Variants in SERGEF observed in about 807,000 individuals in gnomAD.
SERGEF encodes the protein secretion regulating guanine nucleotide exchange factor.
In SERGEF, 51 loss-of-function variants were observed where a neutral mutation model predicts 50.0. That is an observed-to-expected ratio of 1.02 (90% CI 0.81 to 1.29). SERGEF has a LOEUF of 1.29. SERGEF is among the 50% of genes most tolerant of loss of function. The pLI is 0.00. For synonymous variants in SERGEF, 205 were observed against 212.4 expected, an observed-to-expected ratio of 0.97 and a Z score of 0.30; for missense variants, 521 against 557.0, an observed-to-expected ratio of 0.94 and a Z score of 0.65.
chr11:17,987,258 C>T (rs776980921), intron 8 of SERGEF, among the ~76,000 whole-genome samples: 2 of 152,076 alleles, frequency 1.3e-5, no homozygotes, highest in African/African-American at 2.4e-5. Context: ...TATGTGTAGT[C>T]TCTTTTAACT....
intron 10 of SERGEF, among the ~76,000 whole-genome samples, chr11:17,835,840 T>G (rs968417176): frequency 1.3e-5 from 2 of 152,226 alleles, no homozygotes; most frequent in African/African-American, 4.8e-5. Flanking sequence ...ATCTGAAATG[T>G]TGTAAAGTAG....
intron 5 of SERGEF, among the ~76,000 whole-genome samples, chr11:17,996,137 C>T (rs1251246375): frequency 2.0e-5 from 3 of 152,158 alleles, no homozygotes; most frequent in African/African-American, 7.2e-5. Context: ...AAGCAAATTC[C>T]AATATCACAT....
intron 8 of SERGEF, among the ~76,000 whole-genome samples, chr11:17,988,208 C>A (rs1853639287): frequency 6.6e-6 from 1 of 152,176 alleles, no homozygotes; most frequent in Non-Finnish European, 1.5e-5. Flanking sequence ...CTACCTCAAT[C>A]TTTAGATATT....
At position 17,788,426 on chromosome 11, in the gene SERGEF, G is replaced by A. The variant is rs755177078; in HGVS notation, c.1049-13C>T. ...TAACACACTCCACCTGTGAAGGAGAGGGAAGACTGCTGTAGAAGAGGTTTT... is the reference window on the plus strand; with the variant it reads ...TAACACACTCCACCTGTGAAGGAGAAGGAAGACTGCTGTAGAAGAGGTTTT... On this transcript the variant is annotated splice_polypyrimidine_tract_variant and intron_variant, in intron 10 of 10. Transcript: ENST00000265965. The A allele has an allele frequency of 6.3e-7, 1 of 1,589,474 alleles. No individual in the cohort carries two copies. Among genetic ancestry groups the A allele is most frequent in the South Asian group, 1.1e-5 (1 of 88,420 alleles).
At chr11:17,944,982 T>A (rs1462877561) in intron 9 of SERGEF, among the ~76,000 whole-genome samples, 1 of 152,220 alleles carries the variant, frequency 6.6e-6, no homozygotes, top group African/African-American at 2.4e-5. Flanking sequence ...GCTTGCCATA[T>A]CAGTGATAAG....
At chr11:17,893,968 A>C (rs1851579069) in intron 9 of SERGEF, among the ~76,000 whole-genome samples, 1 of 152,194 alleles carries the variant, frequency 6.6e-6, no homozygotes, top group African/African-American at 2.4e-5. Flanking sequence ...ATTGTGCAGC[A>C]GCTTCCTTGT....
intron 10 of SERGEF, among the ~76,000 whole-genome samples, chr11:17,810,955 C>T (rs1849859462): frequency 6.6e-6 from 1 of 152,174 alleles, no homozygotes; most frequent in Non-Finnish European, 1.5e-5. Flanking sequence ...ATTTCTGCAT[C>T]CAGTATCAGT....
chr11:17,864,261 T>C (rs914563544), intron 10 of SERGEF, among the ~76,000 whole-genome samples: 3 of 152,226 alleles, frequency 2.0e-5, no homozygotes, highest in Admixed American at 6.5e-5. Context: ...TGGTCAACCT[T>C]GTGCCTAAAA....
At chr11:17,890,026 C>CAAA (rs59805347) in intron 9 of SERGEF, among the ~76,000 whole-genome samples, 67 of 73,898 alleles carry the variant, frequency 9.1e-4, no homozygotes, top group African/African-American at 1.2e-3. Flanking sequence ...ACACTTCAAC[C>CAAA]AAAAAAAAAA....
At chr11:17,917,815 T>C (rs1411609626) in intron 9 of SERGEF, among the ~76,000 whole-genome samples, 1 of 152,200 alleles carries the variant, frequency 6.6e-6, no homozygotes, top group East Asian at 1.9e-4. Context: ...ACTGACTAAA[T>C]CAGATTCTGC....
chr11:17,901,328 C>A (rs1851745981), intron 9 of SERGEF, among the ~76,000 whole-genome samples: 2 of 152,188 alleles, frequency 1.3e-5, no homozygotes, highest in Admixed American at 1.3e-4. Context: ...CATTGGATGC[C>A]CAAAGTAACC....
intron 9 of SERGEF, among the ~76,000 whole-genome samples, chr11:17,950,014 T>C (rs529396831): frequency 1.3e-5 from 2 of 152,324 alleles, no homozygotes; most frequent in East Asian, 1.9e-4. Flanking sequence ...TGGTTAGGCA[T>C]AGATAAACTG....
chr11:17,799,915 G>A (rs533947459), intron 10 of SERGEF, among the ~76,000 whole-genome samples: 98 of 152,304 alleles, frequency 6.4e-4, no homozygotes, highest in Non-Finnish European at 9.9e-4. Flanking sequence ...AGAGCTGAGC[G>A]TCCATCCCAC....
chr11:17,821,542 C>T (rs1245763494), intron 10 of SERGEF, among the ~76,000 whole-genome samples: 1 of 152,140 alleles, frequency 6.6e-6, no homozygotes, highest in Non-Finnish European at 1.5e-5. Context: ...ATTGCAGTTC[C>T]TCAAACATAA....
intron 9 of SERGEF, among the ~76,000 whole-genome samples, chr11:17,915,414 TG>T (rs1489191512): frequency 6.6e-6 from 1 of 152,250 alleles, no homozygotes; most frequent in Non-Finnish European, 1.5e-5. Context: ...TCTTCAGAGA[TG>T]ATCACCTAAC....
intron 10 of SERGEF, among the ~76,000 whole-genome samples, chr11:17,800,220 A>G (rs1281228236): frequency 6.6e-6 from 1 of 152,210 alleles, no homozygotes; most frequent in African/African-American, 2.4e-5. Context: ...AGCAGAAAGT[A>G]TGGACAGTTC....
In SERGEF at chr11:17,884,584, C is replaced by A. The variant is rs138467838; in HGVS notation, c.1012-6340G>T. 3.6e-4 allele frequency among the ~76,000 whole-genome samples: 55 copies of A among 152,220 alleles called. No homozygotes were observed. Among genetic ancestry groups the A allele is most frequent in the African/African-American group, 1.3e-3 (54 of 41,524 alleles). On this transcript the variant is annotated intron_variant, in intron 9 of 10. Transcript: ENST00000265965. The surrounding 1 kb of genome is among the most constrained non-coding windows in gnomAD (Gnocchi z 4.6). ...GCCACCAGAGTTCCACCTCTAAGCT[C>A]AGAAATGGTCCCAACTGGGGAAGGC...
intron 10 of SERGEF, among the ~76,000 whole-genome samples, chr11:17,810,438 T>A (rs940625808): frequency 3.9e-5 from 6 of 152,154 alleles, no homozygotes; most frequent in African/African-American, 1.2e-4. Flanking sequence ...TCTACAACAA[T>A]CATGCCTACA....
chr11:17,995,721 A>T, intron 6 of SERGEF, 75 bp downstream of exon 6: 1 of 1,022,756 alleles, frequency 9.8e-7, no homozygotes, highest in Non-Finnish European at 1.5e-6. Flanking sequence ...AAATCCATTT[A>T]ATCCTCTTCT....
Sources: allele counts gnomAD v4.1 joint callset (sites outside exome capture counted in the v4.1 genomes callset), GRCh38; gene constraint gnomAD v4.1.1; non-coding constraint Gnocchi (gnomAD v3.1); transcripts MANE v1.5; gene names NCBI Gene and HGNC (gene_info 2026-07-23, HGNC 2026-07-21).